Variants in SNX29 observed in about 807,000 individuals in gnomAD.
SNX29 encodes sorting nexin 29, also known as sorting nexin-29.
A neutral mutation model predicts 102.1 loss-of-function variants in SNX29; 78 were observed. The observed-to-expected ratio is 0.76, with a 90% confidence interval of 0.64 to 0.92. The LOEUF is 0.92. Ranked by LOEUF, SNX29 falls within the 40% of genes least tolerant of loss-of-function variation. The pLI is 0.00. For missense variants in SNX29, 1,280 were observed against 1,061.7 expected (o/e 1.21, Z -2.86); for synonymous variants, 580 against 414.5 (o/e 1.40, Z -4.85).
At chr16:12,369,983 G>A (rs1052197354) in intron 16 of SNX29, among the ~76,000 whole-genome samples, 1 of 152,172 alleles carries the variant, frequency 6.6e-6, no homozygotes, top group Non-Finnish European at 1.5e-5. Flanking sequence ...TTGGGAGGCT[G>A]AGGTGGGCTG....
At chr16:12,303,121 C>T (rs1596824461) in intron 15 of SNX29, among the ~76,000 whole-genome samples, 1 of 152,310 alleles carries the variant, frequency 6.6e-6, no homozygotes, top group East Asian at 1.9e-4. Flanking sequence ...TACCGTGAAG[C>T]TGTCTGTCTG....
Position 12,132,654 on chromosome 16 carries a change from A to T in SNX29, c.1595+2896A>T, listed in dbSNP as rs143583948. On this transcript the variant is annotated intron_variant, in intron 13 of 20. Coordinates refer to ENST00000566228, the MANE Select transcript of SNX29 (RefSeq NM_032167.5). Reference sequence around the variant, plus strand: ...CACAGGAAGCGTGTTTTAGTGCATGACAATTGTTGGGAAAATTTTATCCCA... The same window carrying T: ...CACAGGAAGCGTGTTTTAGTGCATGTCAATTGTTGGGAAAATTTTATCCCA... 3.0e-3 allele frequency among the ~76,000 whole-genome samples: 460 copies of T among 152,318 alleles called. 3 individuals carry two copies. The highest frequency in any genetic ancestry group is 0.01 in the African/African-American group (436 of 41,568).
chr16:12,185,775 T>C (rs754627838), intron 13 of SNX29, among the ~76,000 whole-genome samples: 2 of 152,244 alleles, frequency 1.3e-5, no homozygotes, highest in Non-Finnish European at 2.9e-5. Flanking sequence ...CCAGCTGTTA[T>C]CAGCAACAAC....
chr16:12,314,572 C>T (rs1340833768), intron 15 of SNX29, among the ~76,000 whole-genome samples: 4 of 152,212 alleles, frequency 2.6e-5, no homozygotes, highest in Admixed American at 6.5e-5. Context: ...TATGAATAGG[C>T]TGGAATGGAT....
chr16:11,986,484 G>A (rs2055632101), intron 1 of SNX29, among the ~76,000 whole-genome samples: 1 of 151,872 alleles, frequency 6.6e-6, no homozygotes, highest in Non-Finnish European at 1.5e-5. Context: ...AAATTTGTAG[G>A]TATTCCTCTT....
chr16:12,286,853 CTGAG>C (rs2079614990), intron 15 of SNX29, among the ~76,000 whole-genome samples: 1 of 152,072 alleles, frequency 6.6e-6, no homozygotes, highest in Non-Finnish European at 1.5e-5. Flanking sequence ...TATTACATTC[CTGAG>C]TATTTCAGAA....
At chr16:12,540,854 G>A (rs1422147407) in intron 20 of SNX29, among the ~76,000 whole-genome samples, 3 of 152,190 alleles carry the variant, frequency 2.0e-5, no homozygotes, top group Non-Finnish European at 4.4e-5. Context: ...CACCCTTTCT[G>A]AGCAGGAGTG....
intron 20 of SNX29, among the ~76,000 whole-genome samples, chr16:12,563,510 C>G (rs183276845): frequency 2.0e-5 from 3 of 152,192 alleles, no homozygotes; most frequent in South Asian, 2.1e-4. Flanking sequence ...GGAGACTCCT[C>G]CCCGCATGTG....
intron 18 of SNX29, among the ~76,000 whole-genome samples, chr16:12,449,436 T>C (rs1347528575): frequency 2.6e-5 from 4 of 152,074 alleles, no homozygotes; most frequent in Non-Finnish European, 4.4e-5. Flanking sequence ...GATTATGCAG[T>C]GCAAAGCAGG....
chr16:12,069,470 G>C lies in SNX29; in HGVS notation c.1319+338G>C, dbSNP rs192629773. 2.0e-5 allele frequency among the ~76,000 whole-genome samples: 3 copies of C among 152,170 alleles called. No homozygotes were observed. In the South Asian group the frequency reaches 6.2e-4, roughly 32 times the overall value. ...TTTAGTGGAGATAGGGTTTCACCAC[G>C]TTGGCCAGGCTGGTCTCCAACTCCT... On this transcript the variant is annotated intron_variant, in intron 10 of 20. Transcript: ENST00000566228.
intron 13 of SNX29, among the ~76,000 whole-genome samples, chr16:12,179,295 G>A (rs2076330180): frequency 6.6e-6 from 1 of 152,218 alleles, no homozygotes. Context: ...ATCAGACTGG[G>A]CAACGTGGCG....
At chr16:12,448,249 C>G (rs2086151139) in intron 18 of SNX29, among the ~76,000 whole-genome samples, 1 of 152,158 alleles carries the variant, frequency 6.6e-6, no homozygotes, top group African/African-American at 2.4e-5. Flanking sequence ...TCCAGCTGAC[C>G]ACCTTTCCAT....
intron 18 of SNX29, among the ~76,000 whole-genome samples, chr16:12,444,656 C>T (rs955544209): frequency 2.0e-5 from 3 of 152,048 alleles, no homozygotes; most frequent in Admixed American, 1.3e-4. Flanking sequence ...CAAGGGAGAG[C>T]GTTTTTCTCC....
intron 20 of SNX29, among the ~76,000 whole-genome samples, chr16:12,540,517 G>T (rs1352553257): frequency 1.3e-5 from 2 of 152,232 alleles, no homozygotes; most frequent in Non-Finnish European, 2.9e-5. Flanking sequence ...AGGTTGTGGG[G>T]CAGAATTTGT....
intron 19 of SNX29, among the ~76,000 whole-genome samples, chr16:12,506,287 C>G (rs895399429): frequency 6.6e-6 from 1 of 152,156 alleles, no homozygotes; most frequent in African/African-American, 2.4e-5. Flanking sequence ...AAACCAATCA[C>G]TGTATCCAGG....
In SNX29 at chr16:12,042,944, C is replaced by T; in HGVS notation, c.295C>T (p.Leu99=). 6.2e-7 allele frequency: 1 copy of T among 1,613,756 alleles called. No homozygotes were observed. The highest frequency in any genetic ancestry group is 8.5e-7 in the Non-Finnish European group (1 of 1,179,742). The part of the protein sequence containing the change: ...YVKEVLNKHE[L]QRFYSLRHIA... ...GAAGGAGGTCCTCAACAAGCACGAG[C>T]TGCAGCGCTTCTACTCCCTGCGCCA... is the stretch of plus-strand genomic sequence containing the variant. Residue 99 remains leucine, a synonymous_variant, in exon 5 of 21, where the codon CTG becomes TTG. Coordinates refer to ENST00000566228, the MANE Select transcript of SNX29 (RefSeq NM_032167.5).
chr16:12,085,578 C>T (rs965488354), intron 11 of SNX29, among the ~76,000 whole-genome samples: 7 of 152,220 alleles, frequency 4.6e-5, no homozygotes, highest in South Asian at 2.1e-4. Context: ...CCTCCTGCCT[C>T]GGCCTCCCAA....
At chr16:12,045,171 C>G (rs1178140061) in intron 5 of SNX29, among the ~76,000 whole-genome samples, 1 of 152,182 alleles carries the variant, frequency 6.6e-6, no homozygotes, top group African/African-American at 2.4e-5. Context: ...GTTTGTACGT[C>G]TACTAACATT....
intron 13 of SNX29, among the ~76,000 whole-genome samples, chr16:12,189,034 G>T (rs967464257): frequency 2.0e-5 from 3 of 152,208 alleles, no homozygotes; most frequent in African/African-American, 4.8e-5. Context: ...TGGCCCAGAA[G>T]TGTCCTGGAG....
Sources: allele counts gnomAD v4.1 joint callset (sites outside exome capture counted in the v4.1 genomes callset), GRCh38; gene constraint gnomAD v4.1.1; transcripts MANE v1.5; gene names NCBI Gene and HGNC (gene_info 2026-07-23, HGNC 2026-07-21).